KDM4C: variants seen among roughly 807,000 people sequenced by gnomAD.
The protein encoded by KDM4C is lysine-specific demethylase 4C.
A neutral mutation model predicts 129.3 loss-of-function variants in KDM4C; 81 were observed. The observed-to-expected ratio is 0.63, with a 90% CI of 0.52 to 0.75. The LOEUF (loss-of-function observed/expected upper bound fraction) is 0.75, where lower values mean the gene tolerates loss of function less well. Ranked by LOEUF, KDM4C falls within the 30% of genes least tolerant of loss-of-function variation. KDM4C has a pLI of 0.00. For missense variants in KDM4C, 1,457 were observed against 1,304.0 expected (o/e 1.12, Z -1.81); for synonymous variants, 573 against 456.1 (o/e 1.26, Z -3.26).
chr9:6,883,503 A>G (rs1844791465), intron 6 of KDM4C, among the ~76,000 whole-genome samples: 1 of 152,224 alleles, frequency 6.6e-6, no homozygotes, highest in African/African-American at 2.4e-5. Flanking sequence ...ATTTGATGTC[A>G]GTGATATCAC....
chr9:6,913,227 T>G (rs1819648172), intron 8 of KDM4C, among the ~76,000 whole-genome samples: 1 of 152,012 alleles, frequency 6.6e-6, no homozygotes, highest in South Asian at 2.1e-4. Flanking sequence ...TTTCAAAAAA[T>G]TAGCTACCCA....
At chr9:6,904,212 C>A (rs910769374) in intron 8 of KDM4C, among the ~76,000 whole-genome samples, 6 of 151,688 alleles carry the variant, frequency 4.0e-5, no homozygotes, top group African/African-American at 1.5e-4. Context: ...GCACTCCAGC[C>A]TGGGCAACAG....
chr9:6,750,560 T>C (rs1231708648), intron 1 of KDM4C, among the ~76,000 whole-genome samples: 4 of 152,050 alleles, frequency 2.6e-5, no homozygotes, highest in Non-Finnish European at 5.9e-5. Context: ...TGAAAGCACA[T>C]CATAGGTTTC....
chr9:7,145,884 G>C (rs1168667033), intron 19 of KDM4C, among the ~76,000 whole-genome samples: 1 of 152,214 alleles, frequency 6.6e-6, no homozygotes, highest in Non-Finnish European at 1.5e-5. Context: ...GTTCCTGAAT[G>C]CTCTTCCTCC....
At chr9:6,946,537 G>T (rs1827004376) in intron 8 of KDM4C, among the ~76,000 whole-genome samples, 2 of 152,002 alleles carry the variant, frequency 1.3e-5, no homozygotes, top group South Asian at 2.1e-4. Flanking sequence ...CAGATTTTTA[G>T]GATTGTTATC....
chr9:6,956,959 C>T (rs1306739252), intron 8 of KDM4C, among the ~76,000 whole-genome samples: 1 of 152,140 alleles, frequency 6.6e-6, no homozygotes, highest in Non-Finnish European at 1.5e-5. Flanking sequence ...GAAATAGTGT[C>T]TTACTGGTCA....
intron 8 of KDM4C, among the ~76,000 whole-genome samples, chr9:6,949,120 C>A (rs1041883508): frequency 1.1e-4 from 17 of 151,004 alleles, no homozygotes; most frequent in Admixed American, 3.3e-4. Context: ...ACGCTCCTCA[C>A]TTCCCAGACG....
At chr9:6,931,367 T>G (rs564384922) in intron 8 of KDM4C, among the ~76,000 whole-genome samples, 1 of 152,292 alleles carries the variant, frequency 6.6e-6, no homozygotes, top group East Asian at 1.9e-4. Context: ...AGTAATTTGC[T>G]TATTACCTCT....
At chr9:6,967,084 A>G (rs904817905) in intron 8 of KDM4C, among the ~76,000 whole-genome samples, 1 of 152,158 alleles carries the variant, frequency 6.6e-6, no homozygotes, top group African/African-American at 2.4e-5. Flanking sequence ...GAAAAACTCA[A>G]TCATGAAGTG....
chr9:7,101,747 G>T (rs1418314850), intron 17 of KDM4C, among the ~76,000 whole-genome samples: 2 of 152,288 alleles, frequency 1.3e-5, no homozygotes, highest in South Asian at 4.1e-4. Flanking sequence ...GCTTTAATTA[G>T]CTAAGTCACA....
At chr9:7,161,132 C>T (rs1391819528) in intron 19 of KDM4C, among the ~76,000 whole-genome samples, 10 of 152,234 alleles carry the variant, frequency 6.6e-5, no homozygotes, top group South Asian at 4.2e-4. Context: ...CGGGACCCAC[C>T]GAGCCAGGCA....
At chr9:6,933,756 C>T (rs1824189265) in intron 8 of KDM4C, among the ~76,000 whole-genome samples, 1 of 152,100 alleles carries the variant, frequency 6.6e-6, no homozygotes, top group African/African-American at 2.4e-5. Context: ...ATGAAAGATA[C>T]TGTGAGGGCA....
chr9:6,943,010 C>T (rs1826241239), intron 8 of KDM4C, among the ~76,000 whole-genome samples: 1 of 152,082 alleles, frequency 6.6e-6, no homozygotes, highest in African/African-American at 2.4e-5. Context: ...CGACTACAGC[C>T]ATGTGCCACC....
At chr9:6,938,124 G>C (rs1825160619) in intron 8 of KDM4C, among the ~76,000 whole-genome samples, 1 of 152,034 alleles carries the variant, frequency 6.6e-6, no homozygotes, top group Non-Finnish European at 1.5e-5. Flanking sequence ...AGATTTGCAA[G>C]GTATGCTCCA....
chr9:7,088,108 C>A lies in KDM4C; in HGVS notation c.2425-15577C>A, dbSNP rs75517560. Among the ~76,000 whole-genome samples, 310 of 152,306 alleles carry A rather than the reference C, an allele frequency of 2.0e-3. 4 individuals are homozygous for A. The highest frequency in any genetic ancestry group is 7.1e-3 in the African/African-American group (295 of 41,564). On this transcript the variant is annotated intron_variant, in intron 17 of 21. Transcript: ENST00000381309. ...TCTTTAGCAGGATTCTCTGATTCCT[C>A]GTGATTTTGGTGCAACCAATCCTGA...
rs188697220 is a variant in KDM4C, at chr9:6,768,964, G to T, written c.-18+10761G>T. ...ATTTTTGTATTTTTAGTAGAGGCGGGGTTTCACCATGTTGGCCAGGCTGGT... is the reference window on the plus strand; with the variant it reads ...ATTTTTGTATTTTTAGTAGAGGCGGTGTTTCACCATGTTGGCCAGGCTGGT... On this transcript the variant is annotated intron_variant, in intron 1 of 21. Transcript: ENST00000381309. 3.3e-3 allele frequency among the ~76,000 whole-genome samples: 502 copies of T among 151,930 alleles called. 3 individuals carry two copies. Among genetic ancestry groups the T allele is most frequent in the African/African-American group, 0.012 (483 of 41,452 alleles).
At chr9:7,002,929 C>T (rs1035839665) in intron 12 of KDM4C, among the ~76,000 whole-genome samples, 16 of 152,314 alleles carry the variant, frequency 1.1e-4, no homozygotes, top group East Asian at 5.8e-4. Context: ...GGCACGATCT[C>T]GGCTCACTGC....
At position 6,806,566 on chromosome 9, in the gene KDM4C, A is replaced by C. The variant is rs1233852686; in HGVS notation, c.320+792A>C. ...AAATCTTAGCTGCTTAAACCAACCC[A>C]TAATTTCTGAAGGTCAGGAATCTGA... On this transcript the variant is annotated intron_variant, in intron 3 of 21. Transcript: ENST00000381309. 1.3e-5 allele frequency among the ~76,000 whole-genome samples: 2 copies of C among 152,000 alleles called. 1 individual carries two copies. Among genetic ancestry groups the C allele is most frequent in the Non-Finnish European group, 2.9e-5 (2 of 67,990 alleles).
chr9:7,105,743 A>T (rs948154423), intron 18 of KDM4C, among the ~76,000 whole-genome samples: 4 of 152,208 alleles, frequency 2.6e-5, no homozygotes, highest in African/African-American at 9.7e-5. Flanking sequence ...GTGGTTACTG[A>T]TGACTATATT....
Sources: allele counts gnomAD v4.1 joint callset (sites outside exome capture counted in the v4.1 genomes callset), GRCh38; gene constraint gnomAD v4.1.1; transcripts MANE v1.5; gene names NCBI Gene and HGNC (gene_info 2026-07-23, HGNC 2026-07-21).